ATF2: variants seen among roughly 807,000 people sequenced by gnomAD.
The protein encoded by ATF2 is activating transcription factor 2.
A neutral mutation model predicts 60.6 loss-of-function variants in ATF2; 24 were observed. The ratio of observed to expected loss-of-function variants is 0.40; its 90% CI spans 0.29 to 0.56. The LOEUF (loss-of-function observed/expected upper bound fraction) is 0.56, where lower values mean the gene tolerates loss of function less well. Ranked by LOEUF, ATF2 falls within the 20% of genes least tolerant of loss-of-function variation. The probability of loss-of-function intolerance (pLI) is 0.54; values close to 1 mark genes in which losing one functional copy is unlikely to be tolerated. For missense variants in ATF2, 433 were observed against 607.7 expected, an observed-to-expected ratio of 0.71 and a Z score of 3.02; for synonymous variants, 206 against 215.4, an observed-to-expected ratio of 0.96 and a Z score of 0.38.
At position 175,073,751 on chromosome 2, in the gene ATF2, C is replaced by A. The variant is rs1478069915; in HGVS notation, c.*858G>T. On this transcript the variant is annotated 3_prime_UTR_variant, in exon 14 of 14. Coordinates refer to ENST00000264110, the MANE Select transcript of ATF2 (RefSeq NM_001880.4). Reference sequence around the variant, plus strand: ...TATGCATAAACTTTGCAGTTTGTAACCTGAAATCTGTAAAAACAACAACAA... The same window carrying A: ...TATGCATAAACTTTGCAGTTTGTAAACTGAAATCTGTAAAAACAACAACAA... The A allele has an allele frequency of 6.6e-6, 1 of 151,822 alleles. No homozygotes were observed. The highest frequency in any genetic ancestry group is 1.5e-5 in the Non-Finnish European group (1 of 67,946). The allele number at this position is 151,822 out of a possible 1,614,324, so 9.4% of individuals were successfully genotyped here.
At chr2:175,125,086 T>C (rs1289877396) in intron 4 of ATF2, among the ~76,000 whole-genome samples, 1 of 152,072 alleles carries the variant, frequency 6.6e-6, no homozygotes, top group Non-Finnish European at 1.5e-5. Flanking sequence ...AAAAATCTAT[T>C]TGAAACCTTA....
chr2:175,167,746 G>C (rs777916061), intron 1 of ATF2: 1 of 474,048 alleles, frequency 2.1e-6, no homozygotes, highest in South Asian at 1.5e-5. Flanking sequence ...GTCTAAGAGG[G>C]AGCCGTTATT....
intron 1 of ATF2, among the ~76,000 whole-genome samples, chr2:175,164,521 G>T (rs960088605): frequency 9.2e-5 from 14 of 152,280 alleles, no homozygotes; most frequent in Admixed American, 1.3e-4. Flanking sequence ...AAGCCAGAGG[G>T]AGACTCTGTC....
Position 175,109,461 on chromosome 2 carries a change from G to A in ATF2, c.828+2107C>T, listed in dbSNP as rs73034002. Among the ~76,000 whole-genome samples, 546 of 152,190 alleles carry A rather than the reference G, an allele frequency of 3.6e-3. 4 individuals carry two copies. The highest frequency in any genetic ancestry group is 0.012 in the African/African-American group (506 of 41,538). On this transcript the variant is annotated intron_variant, in intron 10 of 13. Transcript: ENST00000264110. ...TCAGAATAGATGGAGTGGACTGATC[G>A]GAAAGAGAGAAACTTTTATTCTTTT...
Position 175,114,125 on chromosome 2 carries a change from AAG to A in ATF2, c.627-19_627-18del. On this transcript the variant is annotated intron_variant, in intron 8 of 13. Coordinates refer to ENST00000264110, the MANE Select transcript of ATF2 (RefSeq NM_001880.4). ...GGTACAGGGCTAAGAAAAACAAAAG[AAG>A]AGAAATTTTAAAAAAGAGATTCATA... 5 of 1,559,478 alleles carry A rather than the reference AAG, an allele frequency of 3.2e-6. No individual in the cohort carries two copies. The highest frequency in any genetic ancestry group is 4.3e-6 in the Non-Finnish European group (5 of 1,156,828).
intron 12 of ATF2, among the ~76,000 whole-genome samples, chr2:175,084,678 TAGGAAA>T (rs1343669473): frequency 6.7e-6 from 1 of 148,166 alleles, no homozygotes; most frequent in African/African-American, 2.5e-5. Flanking sequence ...AAAGAATGCA[TAGGAAA>T]ATAAGTTAGG....
At chr2:175,106,789 C>T (rs1205401) in intron 10 of ATF2, among the ~76,000 whole-genome samples, 32,449 of 151,950 alleles carry the variant, frequency 0.21, 4,277 homozygotes, top group African/African-American at 0.38. Flanking sequence ...TGAACTGAGA[C>T]TGTGCCACTG....
At chr2:175,145,142 TCC>T (rs1254733598) in intron 2 of ATF2, among the ~76,000 whole-genome samples, 1 of 152,106 alleles carries the variant, frequency 6.6e-6, no homozygotes, top group East Asian at 1.9e-4. Context: ...GTCATGTAGG[TCC>T]CTAGCTGTGT....
In ATF2 at chr2:175,157,310, G is replaced by A. The variant is rs550875049; in HGVS notation, c.-142-6152C>T. Among the ~76,000 whole-genome samples, 3 of 152,244 alleles carry A rather than the reference G, an allele frequency of 2.0e-5. No individual in the cohort carries two copies. In the South Asian group the frequency reaches 6.2e-4, roughly 32 times the overall value. On this transcript the variant is annotated intron_variant, in intron 1 of 13. Coordinates refer to ENST00000264110, the MANE Select transcript of ATF2 (RefSeq NM_001880.4). ...AGTTATTTCCAAACAGCAGTAATAG[G>A]ACCTTGGCCCCCATCCCCACTTCAT...
chr2:175,081,645 C>G (rs1574312280), intron 12 of ATF2, among the ~76,000 whole-genome samples: 1 of 152,196 alleles, frequency 6.6e-6, no homozygotes, highest in African/African-American at 2.4e-5. Flanking sequence ...TATAACCATT[C>G]AGATTTCATC....
chr2:175,162,792 T>C (rs537089756), intron 1 of ATF2, among the ~76,000 whole-genome samples: 4 of 152,182 alleles, frequency 2.6e-5, no homozygotes, highest in Non-Finnish European at 5.9e-5. Context: ...TATTTGTTAG[T>C]ATGGCAAAAC....
At chr2:175,143,788 T>G (rs1698758862) in intron 2 of ATF2, among the ~76,000 whole-genome samples, 1 of 152,124 alleles carries the variant, frequency 6.6e-6, no homozygotes, top group African/African-American at 2.4e-5. Context: ...ATGCCTCCTC[T>G]GCCCAGCCCC....
rs1441539456 is a variant in ATF2, at chr2:175,076,844, C to T, written c.1292-2009G>A. ...TAAGTTTTAGGGTACATGTGCACAA[C>T]GTGCAGGTTAGTTACATACGTATAC... On this transcript the variant is annotated intron_variant, in intron 13 of 13. Coordinates refer to ENST00000264110, the MANE Select transcript of ATF2 (RefSeq NM_001880.4). Among the ~76,000 whole-genome samples the T allele has an allele frequency of 1.1e-4, 16 of 151,514 alleles. No homozygotes were observed. In the East Asian group the frequency reaches 1.6e-3, roughly 15 times the overall value.
intron 9 of ATF2, among the ~76,000 whole-genome samples, chr2:175,113,289 TG>T (rs575090685): frequency 3.4e-4 from 52 of 151,926 alleles, no homozygotes; most frequent in African/African-American, 1.1e-3. Context: ...TTTTTTGACT[TG>T]GGGTCTTGCC....
chr2:175,104,315 T>C (rs916030282), intron 10 of ATF2, among the ~76,000 whole-genome samples: 9 of 152,122 alleles, frequency 5.9e-5, no homozygotes, highest in Non-Finnish European at 4.4e-5. Context: ...TATTAACAGA[T>C]TGTGATCATA....
chr2:175,150,432 C>T (rs546725852), intron 2 of ATF2, among the ~76,000 whole-genome samples: 41 of 152,134 alleles, frequency 2.7e-4, no homozygotes, highest in African/African-American at 9.2e-4. Context: ...CATCCCCAAA[C>T]TGTAAATGGC....
intron 2 of ATF2, among the ~76,000 whole-genome samples, chr2:175,141,022 A>T (rs1203516920): frequency 0.043 from 4,860 of 111,956 alleles, 196 homozygotes; most frequent in Non-Finnish European, 0.049. Context: ...AAAAAAAAAA[A>T]AAAAAAAAAT....
intron 2 of ATF2, among the ~76,000 whole-genome samples, chr2:175,145,463 A>T (rs1698886254): frequency 6.6e-6 from 1 of 152,092 alleles, no homozygotes; most frequent in Non-Finnish European, 1.5e-5. Flanking sequence ...GCCATGAGTA[A>T]ATGCTCCTTG....
At chr2:175,162,364 C>G (rs268156) in intron 1 of ATF2, among the ~76,000 whole-genome samples, 1 of 152,178 alleles carries the variant, frequency 6.6e-6, no homozygotes, top group South Asian at 2.1e-4. Flanking sequence ...TCATAACTCC[C>G]AAGTTCACAA....
Sources: gnomAD v4.1 joint callset for allele counts (sites outside exome capture counted in the v4.1 genomes callset) on GRCh38, gnomAD v4.1.1 for gene constraint, MANE v1.5 for transcripts, NCBI Gene and HGNC (gene_info 2026-07-23, HGNC 2026-07-21) for gene names.